The following SNX10 variants were observed in gnomAD, a reference collection of about 807,000 sequenced individuals.
The protein encoded by SNX10 is sorting nexin 10, also known as sorting nexin-10.
In SNX10, 25 loss-of-function variants were observed where a neutral mutation model predicts 28.5. The ratio of observed to expected loss-of-function variants is 0.88; its 90% CI spans 0.64 to 1.22. The LOEUF is 1.22. Among genes scored for constraint, SNX10 ranks in the 50% most tolerant of loss-of-function variants. The pLI is 0.00. For missense variants in SNX10, 223 were observed against 242.6 expected (o/e 0.92, Z 0.54); for synonymous variants, 62 against 81.4 (o/e 0.76, Z 1.28).
In SNX10 at chr7:26,365,509, A is replaced by G. The variant is rs543939990; in HGVS notation, c.311+364A>G. 6.2e-4 allele frequency among the ~76,000 whole-genome samples: 94 copies of G among 152,294 alleles called. 1 individual carries two copies. Among genetic ancestry groups the G allele is most frequent in the Non-Finnish European group, 8.7e-4 (59 of 68,020 alleles). On this transcript the variant is annotated intron_variant, in intron 5 of 6. Transcript: ENST00000338523. ...CTTCTTAAAAACTGTCTTTCTTTAC[A>G]ATGCTTAGAATTTACAGACCAAAAT...
At position 26,349,343 on chromosome 7, in the gene SNX10, AT is replaced by A. The variant is rs35282662; in HGVS notation, c.24+2893del. Among the ~76,000 whole-genome samples, 725 of 146,390 alleles carry A rather than the reference AT, an allele frequency of 5.0e-3. 2 individuals are homozygous for A. Among genetic ancestry groups the A allele is most frequent in the African/African-American group, 8.6e-3 (345 of 39,962 alleles). The stretch of plus-strand genomic sequence containing the variant: ...GTAGTACTGACCTTAAAATTTAGTA[AT>A]TTTTTTTTTTTTTTTACATTTTGGG... On this transcript the variant is annotated intron_variant, in intron 2 of 6. Coordinates refer to ENST00000338523, the MANE Select transcript of SNX10 (RefSeq NM_013322.3).
intron 5 of SNX10, among the ~76,000 whole-genome samples, chr7:26,366,033 T>C (rs1789276705): frequency 6.6e-6 from 1 of 152,218 alleles, no homozygotes; most frequent in Non-Finnish European, 1.5e-5. Context: ...TGTTATTATC[T>C]TAATGCACTT....
At chr7:26,365,629 C>T (rs574117603) in intron 5 of SNX10, among the ~76,000 whole-genome samples, 6 of 152,242 alleles carry the variant, frequency 3.9e-5, no homozygotes, top group African/African-American at 1.4e-4. Flanking sequence ...TATTTGGTGG[C>T]GTGTGAACAG....
chr7:26,354,855 G>T (rs1237775451), intron 2 of SNX10, among the ~76,000 whole-genome samples: 1 of 151,836 alleles, frequency 6.6e-6, no homozygotes, highest in Non-Finnish European at 1.5e-5. Context: ...TCCTTATGTG[G>T]ATTGCCCTTT....
Position 26,371,801 on chromosome 7 carries a change from T to A in SNX10, c.312-20T>A, listed in dbSNP as rs1461484963. Reference sequence around the variant, plus strand: ...GACCATCCTGTTCACCAATTATTTTTCCTTTTTTTTTTAATATAGAGTCCT... The same window carrying A: ...GACCATCCTGTTCACCAATTATTTTACCTTTTTTTTTTAATATAGAGTCCT... On this transcript the variant is annotated intron_variant, in intron 5 of 6. Coordinates refer to ENST00000338523, the MANE Select transcript of SNX10 (RefSeq NM_013322.3). 6.5e-7 allele frequency: 1 copy of A among 1,549,194 alleles called. No homozygotes were observed. The highest frequency in any genetic ancestry group is 8.8e-7 in the Non-Finnish European group (1 of 1,130,580).
intron 2 of SNX10, among the ~76,000 whole-genome samples, chr7:26,355,377 A>G (rs541169304): frequency 9.8e-5 from 15 of 152,334 alleles, no homozygotes; most frequent in African/African-American, 3.4e-4. Flanking sequence ...GAGATTTTTT[A>G]TAGGAATTGT....
intron 1 of SNX10, among the ~76,000 whole-genome samples, chr7:26,340,617 G>A (rs932100629): frequency 6.6e-5 from 10 of 152,334 alleles, no homozygotes; most frequent in South Asian, 2.1e-4. Context: ...AGAGATACAC[G>A]AGTCTCTCAG....
At chr7:26,341,675 GGGTTTCACC>G (rs1304830120) in intron 1 of SNX10, among the ~76,000 whole-genome samples, 1 of 152,050 alleles carries the variant, frequency 6.6e-6, no homozygotes, top group Non-Finnish European at 1.5e-5. Flanking sequence ...AGTAGAGACA[GGGTTTCACC>G]ATATTGGTCA....
chr7:26,341,980 T>TTCTCTC lies in SNX10; in HGVS notation c.-23-4428_-23-4423dup, dbSNP rs56027802. 3.8e-4 allele frequency among the ~76,000 whole-genome samples: 39 copies of TTCTCTC among 103,132 alleles called. No individual in the cohort carries two copies. The South Asian group carries it at 6.3e-3, about 17-fold the overall frequency. 67.7% of individuals were successfully genotyped at this position (103,132 alleles called of 152,430 possible). A position where few individuals can be genotyped will look rare whatever the true frequency, so the allele number is the denominator to read the frequency against. ...TCCCCTCTTTCTCTGTTTCTCTTCTTTCTCTCTCTCTCTCTCTTTCTTTCT... is the reference window on the plus strand; with the variant it reads ...TCCCCTCTTTCTCTGTTTCTCTTCTTTCTCTCTCTCTCTCTCTCTCTCTTTCTTTCT... On this transcript the variant is annotated intron_variant, in intron 1 of 6. Transcript: ENST00000338523.
chr7:26,359,749 C>T (rs1167718363), intron 2 of SNX10, among the ~76,000 whole-genome samples: 4 of 152,022 alleles, frequency 2.6e-5, no homozygotes, highest in Middle Eastern at 3.4e-3. Flanking sequence ...CTGCAACCAC[C>T]GCTTCCTGAG....
intron 1 of SNX10, among the ~76,000 whole-genome samples, chr7:26,344,068 C>G (rs890229716): frequency 6.6e-6 from 1 of 152,108 alleles, no homozygotes; most frequent in African/African-American, 2.4e-5. Context: ...CGTTGATCTC[C>G]TGAACTCTTT....
At chr7:26,356,386 T>C (rs911710708) in intron 2 of SNX10, among the ~76,000 whole-genome samples, 3 of 152,190 alleles carry the variant, frequency 2.0e-5, no homozygotes, top group African/African-American at 7.2e-5. Context: ...AGGAAATCCA[T>C]ATGATTCTAG....
chr7:26,359,947 C>T (rs1000076606), intron 2 of SNX10, among the ~76,000 whole-genome samples: 12 of 152,098 alleles, frequency 7.9e-5, no homozygotes, highest in African/African-American at 2.4e-4. Context: ...TAAGCCACTG[C>T]GCCCGGCCTA....
intron 2 of SNX10, among the ~76,000 whole-genome samples, chr7:26,359,309 A>G (rs1370054568): frequency 6.6e-6 from 1 of 152,092 alleles, no homozygotes; most frequent in Admixed American, 6.5e-5. Flanking sequence ...TATTTTTTTG[A>G]TTAAAAAAAA....
rs116629433 is a variant in SNX10 at position 26,339,299 on chromosome 7, C to T, written c.-23-7121C>T. Among the ~76,000 whole-genome samples, 1,323 of 152,198 alleles carry T rather than the reference C, an allele frequency of 8.7e-3. 19 individuals are homozygous for T. Among genetic ancestry groups the T allele is most frequent in the African/African-American group, 0.03 (1,227 of 41,510 alleles). ...AGGCGGTTTCAGGATTTCGCCATGCCGCCCAGACTGGTCTCAAACTTTGAG... is the reference window on the plus strand; with the variant it reads ...AGGCGGTTTCAGGATTTCGCCATGCTGCCCAGACTGGTCTCAAACTTTGAG... On this transcript the variant is annotated intron_variant, in intron 1 of 6. Transcript: ENST00000338523.
intron 2 of SNX10, among the ~76,000 whole-genome samples, chr7:26,348,319 T>G (rs1788468401): frequency 6.6e-6 from 1 of 152,242 alleles, no homozygotes; most frequent in African/African-American, 2.4e-5. Flanking sequence ...ACTGCAAGGT[T>G]AAGGGCATAG....
chr7:26,312,787 A>C (rs1786900992), intron 1 of SNX10, among the ~76,000 whole-genome samples: 1 of 152,222 alleles, frequency 6.6e-6, no homozygotes, highest in Admixed American at 6.5e-5. Flanking sequence ...CCGTCTCAAA[A>C]AAAAGAAAAT....
chr7:26,332,528 G>C (rs1476626747), intron 1 of SNX10, among the ~76,000 whole-genome samples: 1 of 152,154 alleles, frequency 6.6e-6, no homozygotes, highest in Non-Finnish European at 1.5e-5. Context: ...TCTGTGGGTT[G>C]TCTCTGATGG....
rs1789196843 is a variant in SNX10 at position 26,364,120 on chromosome 7, T to C, written c.112-415T>C. Reference sequence around the variant, plus strand: ...TTCTGCAATGTCTCATAAAGGGTCATGAGGAGGTGTCTCTAAGCCCCAAAG... The same window carrying C: ...TTCTGCAATGTCTCATAAAGGGTCACGAGGAGGTGTCTCTAAGCCCCAAAG... On this transcript the variant is annotated intron_variant, in intron 3 of 6. Transcript: ENST00000338523. The surrounding 1 kb of genome is among the most constrained non-coding windows in gnomAD (Gnocchi z 4.9). 6.6e-6 allele frequency among the ~76,000 whole-genome samples: 1 copy of C among 152,222 alleles called. No homozygotes were observed. The highest frequency in any genetic ancestry group is 1.5e-5 in the Non-Finnish European group (1 of 68,034).
Sources: allele counts gnomAD v4.1 joint callset (sites outside exome capture counted in the v4.1 genomes callset), GRCh38; gene constraint gnomAD v4.1.1; non-coding constraint Gnocchi (gnomAD v3.1); transcripts MANE v1.5; gene names NCBI Gene and HGNC (gene_info 2026-07-23, HGNC 2026-07-21).